GABBR2: variants seen among roughly 807,000 people sequenced by gnomAD.
GABBR2 encodes the protein G-protein coupled receptor 51.
Under a neutral mutation model 105.6 loss-of-function variants are expected in GABBR2, and 23 were observed. The observed-to-expected ratio is 0.22, with a 90% CI of 0.16 to 0.31. The LOEUF is 0.31. Ranked by LOEUF, GABBR2 falls within the 10% of genes least tolerant of loss-of-function variation. The probability of loss-of-function intolerance (pLI) is 1.00; values close to 1 mark genes in which losing one functional copy is unlikely to be tolerated. For missense variants in GABBR2, 734 were observed against 1,245.5 expected, an observed-to-expected ratio of 0.59 and a Z score of 6.18; for synonymous variants, 478 against 499.7, an observed-to-expected ratio of 0.96 and a Z score of 0.58.
At chr9:98,574,199 A>C (rs1233199747) in intron 2 of GABBR2, among the ~76,000 whole-genome samples, 1 of 152,172 alleles carries the variant, frequency 6.6e-6, no homozygotes, top group Non-Finnish European at 1.5e-5. Context: ...CCAGTCTCCA[A>C]GCTAGCACCC....
chr9:98,313,951 G>A (rs937442699), intron 13 of GABBR2, among the ~76,000 whole-genome samples: 16 of 152,152 alleles, frequency 1.1e-4, no homozygotes, highest in African/African-American at 3.9e-4. Flanking sequence ...TGGGACCTGG[G>A]GGTTCAGGCC....
In GABBR2 at chr9:98,306,749, G is replaced by T. The variant is rs527297262; in HGVS notation, c.2005-404C>A. On this transcript the variant is annotated intron_variant, in intron 14 of 18. Coordinates refer to ENST00000259455, the MANE Select transcript of GABBR2 (RefSeq NM_005458.8). The surrounding 1 kb of genome is among the most constrained non-coding windows in gnomAD (Gnocchi z 5.4). ...CAATATGGTAGCAAAAATGGGCTGT[G>T]TTTTTAGAAATTCACTCCAGTCTTT... Among the ~76,000 whole-genome samples the T allele has an allele frequency of 6.6e-6, 1 of 152,296 alleles. No homozygotes were observed. The highest frequency in any genetic ancestry group is 2.1e-4 in the South Asian group (1 of 4,820).
At chr9:98,698,834 G>A (rs891961957) in intron 1 of GABBR2, among the ~76,000 whole-genome samples, 2 of 152,132 alleles carry the variant, frequency 1.3e-5, no homozygotes, top group Admixed American at 1.3e-4. Context: ...TTGGGGTCCA[G>A]ACCTATTCTG....
chr9:98,503,775 G>T (rs921791671), intron 3 of GABBR2, among the ~76,000 whole-genome samples: 1 of 152,118 alleles, frequency 6.6e-6, no homozygotes, highest in East Asian at 1.9e-4. Context: ...GGAGGTTGTG[G>T]TTAGGATGCT....
At chr9:98,700,118 T>C (rs368518468) in intron 1 of GABBR2, among the ~76,000 whole-genome samples, 8 of 152,296 alleles carry the variant, frequency 5.3e-5, no homozygotes, top group African/African-American at 1.9e-4. Flanking sequence ...TAATTGTTTT[T>C]GTCTATCTTG....
intron 1 of GABBR2, among the ~76,000 whole-genome samples, chr9:98,610,203 G>A (rs943649037): frequency 2.6e-5 from 4 of 152,222 alleles, no homozygotes; most frequent in Non-Finnish European, 1.5e-5. Context: ...GCTTCCTGGT[G>A]GCGTGACAGT....
At chr9:98,682,226 C>G (rs61465915) in intron 1 of GABBR2, among the ~76,000 whole-genome samples, 2 of 146,994 alleles carry the variant, frequency 1.4e-5, no homozygotes, top group African/African-American at 5.1e-5. Flanking sequence ...AAGACTTCAT[C>G]TCAGAAAAAA....
chr9:98,608,068 G>GT (rs1829455411), intron 1 of GABBR2: 2 of 1,312,322 alleles, frequency 1.5e-6, no homozygotes, highest in Middle Eastern at 1.8e-4. Context: ...GCTCAACAAC[G>GT]TATTTTAGAA....
chr9:98,311,980 C>A (rs1367166810), intron 13 of GABBR2, among the ~76,000 whole-genome samples: 1 of 152,230 alleles, frequency 6.6e-6, no homozygotes. Flanking sequence ...AATGAAACAA[C>A]ATCTACTGTA....
At chr9:98,431,634 T>C (rs1327291864) in intron 7 of GABBR2, among the ~76,000 whole-genome samples, 1 of 152,002 alleles carries the variant, frequency 6.6e-6, no homozygotes, top group Non-Finnish European at 1.5e-5. Context: ...GTTCCTAAAA[T>C]GCCAGGCTAT....
chr9:98,381,409 G>C (rs1285130083), intron 11 of GABBR2, among the ~76,000 whole-genome samples: 1 of 152,184 alleles, frequency 6.6e-6, no homozygotes, highest in East Asian at 1.9e-4. Flanking sequence ...TAGGTCCGAA[G>C]GACAGAATCC....
chr9:98,334,003 T>G (rs954451393), intron 13 of GABBR2, among the ~76,000 whole-genome samples: 10 of 152,214 alleles, frequency 6.6e-5, no homozygotes, highest in African/African-American at 2.4e-4. Context: ...CTTGGAACAG[T>G]GCTTACCACA....
At chr9:98,383,549 A>G (rs1832017650) in intron 11 of GABBR2, among the ~76,000 whole-genome samples, 1 of 152,174 alleles carries the variant, frequency 6.6e-6, no homozygotes, top group African/African-American at 2.4e-5. Flanking sequence ...AGGTCCCTCC[A>G]GGAGAGGAGA....
At chr9:98,315,000 C>T (rs964156410) in intron 13 of GABBR2, among the ~76,000 whole-genome samples, 1 of 152,154 alleles carries the variant, frequency 6.6e-6, no homozygotes, top group Non-Finnish European at 1.5e-5. Flanking sequence ...CAGGTTGGAC[C>T]AAGACCCATC....
Position 98,362,782 on chromosome 9 carries a change from A to G in GABBR2, c.1826T>C (p.Leu609Pro). The stretch of plus-strand genomic sequence containing the variant: ...AGCCTGCCAGCAGATCAGGATACAC[A>G]GGTCGATCAGCAGCATGCCCCCCAC... ...VIVGGMLLID[L>P]CILICWQAVD... The change falls in exon 13 of 19, where the codon CTG (leucine) becomes CCG (proline). Residue 609 changes from leucine (L) to proline (P), a missense_variant. Transcript: ENST00000259455. 1 of 1,603,508 alleles carries G rather than the reference A, an allele frequency of 6.2e-7. No homozygotes were observed. Among genetic ancestry groups the G allele is most frequent in the Non-Finnish European group, 8.5e-7 (1 of 1,175,218 alleles).
chr9:98,409,825 G>A (rs910878780), intron 7 of GABBR2, among the ~76,000 whole-genome samples: 1 of 152,162 alleles, frequency 6.6e-6, no homozygotes, highest in Non-Finnish European at 1.5e-5. Flanking sequence ...GCTGCCCAGC[G>A]CTACTTGGCT....
intron 9 of GABBR2, among the ~76,000 whole-genome samples, chr9:98,392,831 A>G (rs1832206053): frequency 6.6e-6 from 1 of 150,854 alleles, no homozygotes; most frequent in South Asian, 2.1e-4. Flanking sequence ...CTACTCATCC[A>G]CTCACCCTCC....
intron 3 of GABBR2, among the ~76,000 whole-genome samples, chr9:98,502,261 C>T (rs144156602): frequency 6.6e-6 from 1 of 152,270 alleles, no homozygotes; most frequent in African/African-American, 2.4e-5. Context: ...TAATTGAGTC[C>T]ATGTGACCTG....
intron 13 of GABBR2, among the ~76,000 whole-genome samples, chr9:98,317,626 C>G (rs1283697130): frequency 1.3e-5 from 2 of 152,214 alleles, no homozygotes; most frequent in African/African-American, 4.8e-5. Flanking sequence ...TGGGAGATGA[C>G]TCTATCTGTC....
Sources: allele counts gnomAD v4.1 joint callset (sites outside exome capture counted in the v4.1 genomes callset), GRCh38; gene constraint gnomAD v4.1.1; non-coding constraint Gnocchi (gnomAD v3.1); transcripts MANE v1.5; gene names NCBI Gene and HGNC (gene_info 2026-07-23, HGNC 2026-07-21).